Variants in SLC34A2 observed in about 807,000 individuals in gnomAD.
SLC34A2 encodes the protein sodium-dependent phosphate transport protein 2B.
SLC34A2 carries 41 observed loss-of-function variants against 50.8 expected under a neutral mutation model. The observed-to-expected ratio is 0.81, with a 90% CI of 0.63 to 1.05. SLC34A2 has a LOEUF of 1.05. Among genes scored for constraint, SLC34A2 ranks in the 50% least tolerant of loss-of-function variants. The pLI, the probability that SLC34A2 is intolerant of heterozygous loss-of-function variation, is 0.00. For synonymous variants in SLC34A2, 401 were observed against 364.2 expected (o/e 1.10, Z -1.15); for missense variants, 879 against 876.7 (o/e 1.00, Z -0.03).
chr4:25,669,738 A>T lies in SLC34A2; in HGVS notation c.727A>T (p.Ile243Phe). 1.2e-6 allele frequency: 2 copies of T among 1,614,072 alleles called. No individual in the cohort carries two copies. The highest frequency in any genetic ancestry group is 3.3e-5 in the Admixed American group (2 of 60,014). ...PVEVATHYLE[I>F]ITQLIVESFH... ...GGAGGTGGCCACCCATTACCTCGAGATCATAACCCAGCTTATAGTGGAGAG... is the reference window on the plus strand; with the variant it reads ...GGAGGTGGCCACCCATTACCTCGAGTTCATAACCCAGCTTATAGTGGAGAG... The change falls in exon 7 of 13, where the codon ATC (isoleucine) becomes TTC (phenylalanine). Residue 243 changes from isoleucine to phenylalanine, a missense_variant. Transcript: ENST00000382051.
At chr4:25,670,571 C>T (rs1394938960) in intron 7 of SLC34A2, among the ~76,000 whole-genome samples, 167 bp from the exon 8 acceptor site, 1 of 152,168 alleles carries the variant, frequency 6.6e-6, no homozygotes, top group East Asian at 1.9e-4. Context: ...ACTGTCTGCT[C>T]CCTAGATATC....
intron 12 of SLC34A2, 124 bp downstream of exon 12, chr4:25,674,753 A>T: frequency 3.1e-6 from 4 of 1,298,142 alleles, no homozygotes; most frequent in Non-Finnish European, 4.3e-6. Flanking sequence ...TAATATGTGG[A>T]GGGGAAGCCA....
At position 25,673,126 on chromosome 4, in the gene SLC34A2, C is replaced by T. The variant is rs1714905918; in HGVS notation, c.1088C>T (p.Ala363Val). 6.2e-7 allele frequency: 1 copy of T among 1,614,150 alleles called. No homozygotes were observed. The highest frequency in any genetic ancestry group is 8.5e-7 in the Non-Finnish European group (1 of 1,180,030). Residue 363 changes from alanine to valine, a missense_variant, in exon 10 of 13, where the codon GCT (alanine) becomes GTT (valine). Ala to Val is a moderately conservative substitution (Grantham distance 64). Coordinates refer to ENST00000382051, the MANE Select transcript of SLC34A2 (RefSeq NM_006424.3). ...IFVNFHLPDL[A>V]VGTILLILSL... ...GTGAATTTCCACCTCCCGGATCTTG[C>T]TGTGGGCACCATCTTGCTCATACTC...
At position 25,657,931 on chromosome 4, in the gene SLC34A2, G is replaced by A. The variant is rs73807411; in HGVS notation, c.-4+2041G>A. ...ATTTTTCCTTGTGATGGCTGTAAGG[G>A]AAGCAGAGGAAAAGGAGACGTCACC... On this transcript the variant is annotated intron_variant, in intron 1 of 12. Coordinates refer to ENST00000382051, the MANE Select transcript of SLC34A2 (RefSeq NM_006424.3). Among the ~76,000 whole-genome samples the A allele has an allele frequency of 7.0e-3, 1,071 of 152,292 alleles. 18 individuals are homozygous for A. Among genetic ancestry groups the A allele is most frequent in the African/African-American group, 0.025 (1,030 of 41,550 alleles).
At chr4:25,658,551 A>G (rs1179307226) in intron 1 of SLC34A2, among the ~76,000 whole-genome samples, 5 of 152,204 alleles carry the variant, frequency 3.3e-5, no homozygotes, top group Admixed American at 3.3e-4. Flanking sequence ...CCAAGTCAAG[A>G]AAGTTCCTCT....
chr4:25,664,661 C>T (rs1714394152), intron 4 of SLC34A2, among the ~76,000 whole-genome samples: 1 of 152,230 alleles, frequency 6.6e-6, no homozygotes, highest in Admixed American at 6.5e-5. Context: ...ATATCCTCCA[C>T]ACCAGAGAGA....
chr4:25,676,753 A>G lies in SLC34A2; in HGVS notation c.*4A>G, dbSNP rs116177973. ...GACCGAATGCACGGCCTTGTAGGGG[A>G]CGCCCCAGATTGTCAGGGATGGGGG... On this transcript the variant is annotated 3_prime_UTR_variant, in exon 13 of 13. Coordinates refer to ENST00000382051, the MANE Select transcript of SLC34A2 (RefSeq NM_006424.3). 2.1e-3 allele frequency: 3,454 copies of G among 1,613,944 alleles called. 55 individuals carry two copies. In the African/African-American group the frequency reaches 0.038, roughly 18 times the overall value.
At position 25,676,700 on chromosome 4, in the gene SLC34A2, A is replaced by G; in HGVS notation, c.2024A>G (p.Gln675Arg). The change falls in exon 13 of 13, where the codon CAG (glutamine) becomes CGG (arginine). Residue 675 changes from glutamine (Q) to arginine (R), a missense_variant. By Grantham distance (43) the Gln-to-Arg change is conservative. Coordinates refer to ENST00000382051, the MANE Select transcript of SLC34A2 (RefSeq NM_006424.3). Reference sequence around the variant, plus strand: ...AACATAACCATTAGCAGAGAGGCTCAGGGTGAGGTCCCTGCCTCGGACTCA... The same window carrying G: ...AACATAACCATTAGCAGAGAGGCTCGGGGTGAGGTCCCTGCCTCGGACTCA... Reference protein sequence around the residue: ...FDNITISREAQGEVPASDSKT... With the variant: ...FDNITISREARGEVPASDSKT... 4.3e-6 allele frequency: 7 copies of G among 1,614,176 alleles called. No individual in the cohort carries two copies. Among genetic ancestry groups the G allele is most frequent in the Non-Finnish European group, 5.9e-6 (7 of 1,180,000 alleles).
intron 12 of SLC34A2, 80 bp from the exon 13 acceptor site, chr4:25,676,055 G>A: frequency 6.3e-7 from 1 of 1,579,760 alleles, no homozygotes; most frequent in Non-Finnish European, 8.6e-7. Context: ...ATGCCTGCTA[G>A]CTTACCTCCC....
Position 25,669,796 on chromosome 4 carries a change from A to T in SLC34A2, c.785A>T (p.Asp262Val), listed in dbSNP as rs1433172731. ...TTCAAGAATGGAGAAGATGCCCCAG[A>T]TCTTCTGAAAGTCATCACTAAGCCC... The part of the protein sequence containing the change: ...FHFKNGEDAP[D>V]LLKVITKPFT... Residue 262 changes from aspartate (D) to valine (V), a missense_variant, in exon 7 of 13, where the codon GAT becomes GTT. Coordinates refer to ENST00000382051, the MANE Select transcript of SLC34A2 (RefSeq NM_006424.3). The T allele has an allele frequency of 6.2e-7, 1 of 1,614,114 alleles. No homozygotes were observed. The highest frequency in any genetic ancestry group is 1.3e-5 in the African/African-American group (1 of 75,038).
chr4:25,665,397 C>T (rs1714442947), intron 4 of SLC34A2, among the ~76,000 whole-genome samples: 1 of 151,964 alleles, frequency 6.6e-6, no homozygotes, highest in South Asian at 2.1e-4. Flanking sequence ...CAACTACTGA[C>T]CTCAGTTGTT....
intron 1 of SLC34A2, among the ~76,000 whole-genome samples, chr4:25,661,316 C>A (rs993022620): frequency 1.3e-5 from 2 of 152,158 alleles, no homozygotes; most frequent in Non-Finnish European, 2.9e-5. Flanking sequence ...ATTTTAAAAC[C>A]AGGTCCATCA....
intron 1 of SLC34A2, among the ~76,000 whole-genome samples, chr4:25,658,659 G>T (rs537104526): frequency 4.6e-5 from 7 of 152,352 alleles, no homozygotes; most frequent in African/African-American, 1.4e-4. Context: ...AGGCAACTCG[G>T]TTATAGAGGC....
chr4:25,664,115 T>C lies in SLC34A2; in HGVS notation c.251-87T>C, dbSNP rs557298794. The C allele has an allele frequency of 1.3e-4, 179 of 1,359,974 alleles. 1 individual carries two copies. In the African/African-American group the frequency reaches 2.4e-3, roughly 18 times the overall value. 84.2% of individuals were successfully genotyped at this position (1,359,974 alleles called of 1,614,324 possible). On this transcript the variant is annotated intron_variant, in intron 3 of 12. Transcript: ENST00000382051. Reference sequence around the variant, plus strand: ...GGAAGGGAGGGGAGGTCGGGGGAGCTCTGAGCTCATTGCCAAACTTCTCAG... The same window carrying C: ...GGAAGGGAGGGGAGGTCGGGGGAGCCCTGAGCTCATTGCCAAACTTCTCAG...
Position 25,662,564 on chromosome 4 carries a change from G to A in SLC34A2, c.64G>A (p.Ala22Thr), listed in dbSNP as rs138461251. 7.6e-5 allele frequency: 122 copies of A among 1,614,010 alleles called. No individual in the cohort carries two copies. The highest frequency in any genetic ancestry group is 1.9e-4 in the African/African-American group (14 of 74,908). The part of the protein sequence containing the change: ...PNPDKYLEGA[A>T]GQQPTAPDKS... ...CCCCGATAAGTACCTCGAAGGGGCC[G>A]CAGGTCAGCAGCCCACTGCCCCTGA... The change falls in exon 2 of 13, where the codon GCA (alanine) becomes ACA (threonine). Residue 22 changes from alanine (A) to threonine (T), a missense_variant. Transcript: ENST00000382051.
In SLC34A2 at chr4:25,676,883, A is replaced by T. The variant is rs1177038256; in HGVS notation, c.*134A>T. 8.0e-7 allele frequency: 1 copy of T among 1,256,910 alleles called. No individual in the cohort carries two copies. Among genetic ancestry groups the T allele is most frequent in the Non-Finnish European group, 1.1e-6 (1 of 906,448 alleles). 77.9% of individuals were successfully genotyped at this position (1,256,910 alleles called of 1,614,324 possible). A position where few individuals can be genotyped will look rare whatever the true frequency, so the allele number is the denominator to read the frequency against. On this transcript the variant is annotated 3_prime_UTR_variant, in exon 13 of 13. Transcript: ENST00000382051. ...TAGCGAATGAAATTGATGCAGTCCT[A>T]CCTAACTCGATTCCCTTTGGCTTGG...
chr4:25,674,339 C>T lies in SLC34A2; in HGVS notation c.1260C>T (p.Ile420=), dbSNP rs1417585041. 1 of 1,614,176 alleles carries T rather than the reference C, an allele frequency of 6.2e-7. No homozygotes were observed. ...CATGGTTGACTGGCTACCTGGCCAT[C>T]CTCGTCGGGGCAGGCATGACCTTCA... is the stretch of plus-strand genomic sequence containing the variant. ...PFAWLTGYLA[I]LVGAGMTFIV... The change falls in exon 11 of 13, where the codon ATC becomes ATT. Residue 420 remains isoleucine (I), a synonymous_variant. Coordinates refer to ENST00000382051, the MANE Select transcript of SLC34A2 (RefSeq NM_006424.3).
chr4:25,674,065 G>T (rs1190485185), intron 10 of SLC34A2, among the ~76,000 whole-genome samples: 1 of 152,208 alleles, frequency 6.6e-6, no homozygotes, highest in Non-Finnish European at 1.5e-5. Context: ...GACCTCCAGG[G>T]AATCTGTGTT....
Position 25,667,580 on chromosome 4 carries a change from A to C in SLC34A2, c.524-300A>C, listed in dbSNP as rs147795385. 1.9e-4 allele frequency among the ~76,000 whole-genome samples: 29 copies of C among 152,324 alleles called. No individual in the cohort carries two copies. In the East Asian group the frequency reaches 5.4e-3, roughly 28 times the overall value. On this transcript the variant is annotated intron_variant, in intron 5 of 12. Coordinates refer to ENST00000382051, the MANE Select transcript of SLC34A2 (RefSeq NM_006424.3). ...TTAAAGGCGAGCCTGTGTGCCATGC[A>C]CAACTGACTCAACTGTACATGCAAG...
Sources: allele counts gnomAD v4.1 joint callset (sites outside exome capture counted in the v4.1 genomes callset), GRCh38; gene constraint gnomAD v4.1.1; transcripts MANE v1.5; gene names NCBI Gene and HGNC (gene_info 2026-07-23, HGNC 2026-07-21).